The following CIB4 variants were observed in gnomAD, a reference collection of about 807,000 sequenced individuals.
CIB4 encodes the protein calcium and integrin binding family member 4.
Under a neutral mutation model 25.8 loss-of-function variants are expected in CIB4, and 25 were observed. The observed-to-expected ratio is 0.97, with a 90% confidence interval of 0.71 to 1.35. The LOEUF (loss-of-function observed/expected upper bound fraction) is 1.35. Among genes scored for constraint, CIB4 ranks in the 40% most tolerant of loss-of-function variants. CIB4 has a pLI of 0.00. For missense variants in CIB4, 235 were observed against 228.2 expected, an observed-to-expected ratio of 1.03 and a Z score of -0.19; for synonymous variants, 75 against 81.4, an observed-to-expected ratio of 0.92 and a Z score of 0.42.
intron 3 of CIB4, among the ~76,000 whole-genome samples, chr2:26,621,487 C>G (rs767054108): frequency 2.0e-5 from 3 of 151,948 alleles, no homozygotes; most frequent in African/African-American, 4.8e-5. Context: ...ATTACTTAAG[C>G]CCAGGAGATC....
chr2:26,628,649 C>T (rs1669354159), intron 3 of CIB4, among the ~76,000 whole-genome samples: 1 of 152,204 alleles, frequency 6.6e-6, no homozygotes, highest in Admixed American at 6.5e-5. Context: ...AGCAGAAATG[C>T]AAGCACCCTT....
intron 3 of CIB4, among the ~76,000 whole-genome samples, chr2:26,604,135 T>C (rs1558562340): frequency 6.6e-6 from 1 of 151,758 alleles, no homozygotes; most frequent in Non-Finnish European, 1.5e-5. Flanking sequence ...ATCCCAACAC[T>C]TTGGGAGGCA....
At position 26,641,333 on chromosome 2, in the gene CIB4, T is replaced by C. The variant is rs1441994778; in HGVS notation, c.-19A>G. On this transcript the variant is annotated 5_prime_UTR_variant, in exon 1 of 7. Transcript: ENST00000288861. ...GCCCCATGCCAACCACACCTTTCTG[T>C]CTGCCAGCAGTAGAACCTCAGCCTC... 3 of 1,611,664 alleles carry C rather than the reference T, an allele frequency of 1.9e-6. No homozygotes were observed. Among genetic ancestry groups the C allele is most frequent in the Non-Finnish European group, 2.5e-6 (3 of 1,177,984 alleles).
intron 6 of CIB4, 35 bp from the exon 7 acceptor site, chr2:26,581,428 G>A (rs202072350): frequency 3.1e-4 from 503 of 1,611,138 alleles, no homozygotes; most frequent in Non-Finnish European, 3.9e-4. Context: ...ATGTGAGCCC[G>A]CAGGTCCAAG....
intron 4 of CIB4, among the ~76,000 whole-genome samples, chr2:26,594,137 A>G (rs1572544709): frequency 6.6e-6 from 1 of 152,318 alleles, no homozygotes; most frequent in East Asian, 1.9e-4. Flanking sequence ...TCTCTCTAGA[A>G]CACATCTCGC....
At chr2:26,625,915 G>A (rs1404144597) in intron 3 of CIB4, among the ~76,000 whole-genome samples, 1 of 152,158 alleles carries the variant, frequency 6.6e-6, no homozygotes, top group Admixed American at 6.5e-5. Context: ...TTTTGTATAA[G>A]GTATAAGGAA....
At chr2:26,622,316 G>T (rs1366529202) in intron 3 of CIB4, among the ~76,000 whole-genome samples, 1 of 152,058 alleles carries the variant, frequency 6.6e-6, no homozygotes. Context: ...AGCCGAGATC[G>T]CATCACTGTA....
At chr2:26,594,008 C>T (rs1668635036) in intron 4 of CIB4, among the ~76,000 whole-genome samples, 1 of 152,154 alleles carries the variant, frequency 6.6e-6, no homozygotes, top group South Asian at 2.1e-4. Context: ...TTCCATCAGC[C>T]TGCCTGAGTC....
intron 3 of CIB4, among the ~76,000 whole-genome samples, chr2:26,622,957 T>C (rs1198482560): frequency 1.3e-5 from 2 of 151,920 alleles, no homozygotes; most frequent in African/African-American, 2.4e-5. Flanking sequence ...CACTCCAACA[T>C]GGGCAACAGA....
At chr2:26,617,968 C>T (rs1433773209) in intron 3 of CIB4, among the ~76,000 whole-genome samples, 1 of 152,182 alleles carries the variant, frequency 6.6e-6, no homozygotes, top group East Asian at 1.9e-4. Flanking sequence ...CCTTGGCTCA[C>T]CCTCTGACTG....
intron 3 of CIB4, among the ~76,000 whole-genome samples, chr2:26,607,701 C>T (rs1668917327): frequency 6.6e-6 from 1 of 152,242 alleles, no homozygotes; most frequent in Non-Finnish European, 1.5e-5. Context: ...CCCCACTTCA[C>T]CTGTCCTCCA....
chr2:26,601,760 T>G (rs1558561390), intron 3 of CIB4, among the ~76,000 whole-genome samples: 1 of 152,022 alleles, frequency 6.6e-6, no homozygotes. Context: ...CTTCCACAGG[T>G]GAATGGATAA....
intron 1 of CIB4, 105 bp downstream of exon 1, chr2:26,641,156 A>C (rs1669627922): frequency 4.2e-6 from 4 of 960,674 alleles, no homozygotes; most frequent in Admixed American, 1.7e-5. Context: ...GGAAGCCAAA[A>C]ATTGGACACC....
intron 3 of CIB4, 49 bp from the exon 4 acceptor site, chr2:26,595,366 G>A (rs1668663761): frequency 1.3e-6 from 2 of 1,586,174 alleles, no homozygotes; most frequent in Non-Finnish European, 1.7e-6. Flanking sequence ...GGTCGGGGCT[G>A]TGTCTCCCTG....
chr2:26,641,174 G>T, intron 1 of CIB4, 87 bp downstream of exon 1: 1 of 1,150,754 alleles, frequency 8.7e-7, no homozygotes, highest in Non-Finnish European at 1.3e-6. Flanking sequence ...ACCCCTGCTA[G>T]AGCGTCAGGA....
intron 2 of CIB4, among the ~76,000 whole-genome samples, chr2:26,636,849 T>A (rs1263080453): frequency 6.6e-6 from 1 of 152,252 alleles, no homozygotes; most frequent in Non-Finnish European, 1.5e-5. Context: ...GCTATTCTCA[T>A]TCCTGATTCT....
intron 4 of CIB4, among the ~76,000 whole-genome samples, chr2:26,590,205 G>A (rs1464541790): frequency 7.6e-6 from 1 of 132,444 alleles, no homozygotes; most frequent in Admixed American, 9.4e-5. Flanking sequence ...CAGGGACCAG[G>A]ACATACCCAA....
chr2:26,625,423 G>A (rs1011262105), intron 3 of CIB4, among the ~76,000 whole-genome samples: 6 of 145,538 alleles, frequency 4.1e-5, no homozygotes, highest in African/African-American at 1.0e-4. Context: ...CGCAATCTCA[G>A]CTCACCACAA....
chr2:26,641,351 T>C lies in CIB4; in HGVS notation c.-37A>G. On this transcript the variant is annotated 5_prime_UTR_variant, in exon 1 of 7. Transcript: ENST00000288861. Reference sequence around the variant, plus strand: ...CTTTCTGTCTGCCAGCAGTAGAACCTCAGCCTCAAGGACTCGCCAGCTGAG... The same window carrying C: ...CTTTCTGTCTGCCAGCAGTAGAACCCCAGCCTCAAGGACTCGCCAGCTGAG... The C allele has an allele frequency of 6.3e-7, 1 of 1,594,308 alleles. No homozygotes were observed. The highest frequency in any genetic ancestry group is 1.3e-5 in the African/African-American group (1 of 74,624).
Sources: allele counts gnomAD v4.1 joint callset (sites outside exome capture counted in the v4.1 genomes callset), GRCh38; gene constraint gnomAD v4.1.1; transcripts MANE v1.5; gene names NCBI Gene and HGNC (gene_info 2026-07-23, HGNC 2026-07-21).